The following DSCAML1 variants were observed in gnomAD, a reference collection of about 807,000 sequenced individuals.
The protein encoded by DSCAML1 is DS cell adhesion molecule like 1.
Under a neutral mutation model 200.5 loss-of-function variants are expected in DSCAML1, and 38 were observed. The ratio of observed to expected loss-of-function variants is 0.19; its 90% confidence interval spans 0.15 to 0.25. DSCAML1 has a LOEUF of 0.25. DSCAML1 is among the 10% of genes least tolerant of loss of function. The pLI is 1.00. For missense variants in DSCAML1, 2,223 were observed against 2,858.8 expected (o/e 0.78, Z 5.07); for synonymous variants, 1,215 against 1,165.0 (o/e 1.04, Z -0.87).
chr11:117,808,641 T>C (rs1187875281), intron 1 of DSCAML1, among the ~76,000 whole-genome samples: 1 of 152,194 alleles, frequency 6.6e-6, no homozygotes, highest in Non-Finnish European at 1.5e-5. Flanking sequence ...AACTAGAAGA[T>C]AAACTAGAAG....
chr11:117,524,740 C>T lies in DSCAML1; in HGVS notation c.937+65G>A, dbSNP rs1245502392. The T allele has an allele frequency of 2.4e-5, 36 of 1,521,992 alleles. No individual in the cohort carries two copies. The Middle Eastern group carries it at 1.2e-3, about 50-fold the overall frequency. The allele number at this position is 1,521,992 out of a possible 1,614,324, so 94.3% of individuals were successfully genotyped here. A position where few individuals can be genotyped will look rare whatever the true frequency, so the allele number is the denominator to read the frequency against. On this transcript the variant is annotated intron_variant, in intron 5 of 32. Coordinates refer to ENST00000651296, the MANE Select transcript of DSCAML1 (RefSeq NM_020693.4). ...ACAGGTCCAGCTGTCGGCCACACTC[C>T]TCCCCCGACCCCTGAGGCGCCCTCA...
At chr11:117,656,049 G>A (rs1442121583) in intron 3 of DSCAML1, among the ~76,000 whole-genome samples, 1 of 152,238 alleles carries the variant, frequency 6.6e-6, no homozygotes, top group East Asian at 1.9e-4. Flanking sequence ...AGACTAGCCT[G>A]GCCAACATGG....
chr11:117,555,202 C>CTATTTATCACCTTT (rs2050539770), intron 3 of DSCAML1, among the ~76,000 whole-genome samples: 1 of 152,250 alleles, frequency 6.6e-6, no homozygotes, highest in African/African-American at 2.4e-5. Context: ...CTCTCTCATA[C>CTATTTATCACCTTT]TATTTATCAC....
At chr11:117,669,260 G>A (rs527708859) in intron 3 of DSCAML1, among the ~76,000 whole-genome samples, 1 of 152,198 alleles carries the variant, frequency 6.6e-6, no homozygotes, top group East Asian at 1.9e-4. Context: ...GCTTCAATGG[G>A]CCTGGCAGCA....
rs76227422 is a variant in DSCAML1 at position 117,688,656 on chromosome 11, A to G, written c.511+88135T>C. Among the ~76,000 whole-genome samples, 3 of 152,234 alleles carry G rather than the reference A, an allele frequency of 2.0e-5. No individual in the cohort carries two copies. The East Asian group carries it at 5.8e-4, about 29-fold the overall frequency. On this transcript the variant is annotated intron_variant, in intron 3 of 32. Transcript: ENST00000651296. The stretch of plus-strand genomic sequence containing the variant: ...GTCCCCCAGCCTCTCTGTGCCTTGT[A>G]TCTGATGGGAATGATGCATGCCCAC...
At position 117,437,878 on chromosome 11, in the gene DSCAML1, A is replaced by G; in HGVS notation, c.4432+17T>C. The G allele has an allele frequency of 1.3e-6, 2 of 1,582,642 alleles. No homozygotes were observed. Among genetic ancestry groups the G allele is most frequent in the African/African-American group, 2.7e-5 (2 of 73,350 alleles). On this transcript the variant is annotated intron_variant, in intron 25 of 32. Transcript: ENST00000651296. This position sits in a 1 kb window ranked among gnomAD's most constrained non-coding sequence, Gnocchi z 5.3. ...GGGCCCATCGCTCCTTCCCTGCCCC[A>G]GTGGCCTGGGCCTCACCCCGCCCGT...
chr11:117,747,250 A>G (rs1329158370), intron 3 of DSCAML1, among the ~76,000 whole-genome samples: 1 of 152,112 alleles, frequency 6.6e-6, no homozygotes, highest in Non-Finnish European at 1.5e-5. Flanking sequence ...ATAACAAATC[A>G]AGCACCGCAG....
chr11:117,589,867 G>A (rs1387759404), intron 3 of DSCAML1, among the ~76,000 whole-genome samples: 1 of 152,182 alleles, frequency 6.6e-6, no homozygotes, highest in Non-Finnish European at 1.5e-5. Context: ...CCATGGTACA[G>A]GAGAAAAAGT....
chr11:117,535,230 G>T (rs1042119726), intron 3 of DSCAML1, among the ~76,000 whole-genome samples: 1 of 152,212 alleles, frequency 6.6e-6, no homozygotes, highest in African/African-American at 2.4e-5. Flanking sequence ...GTCAACTAAA[G>T]ACCCTGGCCC....
chr11:117,765,457 C>T (rs2054879934), intron 3 of DSCAML1, among the ~76,000 whole-genome samples: 1 of 152,150 alleles, frequency 6.6e-6, no homozygotes. Context: ...CTGAAGGTCC[C>T]ATGAGCCTGT....
At chr11:117,554,288 G>A (rs665218) in intron 3 of DSCAML1, among the ~76,000 whole-genome samples, 23,261 of 152,036 alleles carry the variant, frequency 0.15, 2,019 homozygotes, top group South Asian at 0.39. Context: ...TGGTTAAGAT[G>A]GGAAATGTTG....
chr11:117,660,292 T>A (rs1244528179), intron 3 of DSCAML1, among the ~76,000 whole-genome samples: 1 of 152,174 alleles, frequency 6.6e-6, no homozygotes, highest in Admixed American at 6.5e-5. Flanking sequence ...GGGAAGGTGC[T>A]GGTATTGTGT....
intron 19 of DSCAML1, among the ~76,000 whole-genome samples, chr11:117,451,652 A>G (rs1430454271): frequency 6.6e-6 from 1 of 151,982 alleles, no homozygotes. Flanking sequence ...CTGTCTCTAT[A>G]AAAAATACAA....
rs2925768 is a variant in DSCAML1 at position 117,428,299 on chromosome 11, T to C, written c.*29A>G. The C allele has an allele frequency of 0.61, 779,404 of 1,274,242 alleles. 245,961 individuals carry two copies. The highest frequency in any genetic ancestry group is 0.66 in the Non-Finnish European group (586,046 of 887,552). The allele number at this position is 1,274,242 out of a possible 1,614,324, so 78.9% of individuals were successfully genotyped here. A position where few individuals can be genotyped will look rare whatever the true frequency, so the allele number is the denominator to read the frequency against. Reference sequence around the variant, plus strand: ...CGTGTGGGGCTGCGGCGCGGCGCGGTCCAGGCGTGGCTGCTCTTCCTGCGG... The same window carrying C: ...CGTGTGGGGCTGCGGCGCGGCGCGGCCCAGGCGTGGCTGCTCTTCCTGCGG... On this transcript the variant is annotated 3_prime_UTR_variant, in exon 33 of 33. Transcript: ENST00000651296.
At chr11:117,583,322 G>A (rs1228888604) in intron 3 of DSCAML1, among the ~76,000 whole-genome samples, 1 of 152,096 alleles carries the variant, frequency 6.6e-6, no homozygotes, top group Non-Finnish European at 1.5e-5. Flanking sequence ...TCTTAAACAT[G>A]GCTTGTACCC....
intron 3 of DSCAML1, among the ~76,000 whole-genome samples, chr11:117,685,133 C>T (rs2053383114): frequency 6.6e-6 from 1 of 152,226 alleles, no homozygotes; most frequent in Non-Finnish European, 1.5e-5. Context: ...GGCCTCTCAA[C>T]ATTCACTGGC....
chr11:117,706,319 G>A (rs193224378), intron 3 of DSCAML1, among the ~76,000 whole-genome samples: 250 of 152,080 alleles, frequency 1.6e-3, no homozygotes, highest in African/African-American at 5.5e-3. Context: ...GTTTCCAATC[G>A]GCCTCTCCTG....
chr11:117,778,199 G>A (rs968960580), intron 2 of DSCAML1, among the ~76,000 whole-genome samples: 1 of 152,246 alleles, frequency 6.6e-6, no homozygotes, highest in Non-Finnish European at 1.5e-5. Context: ...ATGTGGTTGA[G>A]GTGGAAGAAA....
intron 14 of DSCAML1, among the ~76,000 whole-genome samples, chr11:117,473,109 G>T (rs1398470241): frequency 2.0e-5 from 3 of 152,190 alleles, no homozygotes; most frequent in Non-Finnish European, 4.4e-5. Flanking sequence ...CCATAGAAAA[G>T]ATTAAGTTGT....
Sources: gnomAD v4.1 joint callset for allele counts (sites outside exome capture counted in the v4.1 genomes callset) on GRCh38, gnomAD v4.1.1 for gene constraint, Gnocchi (gnomAD v3.1) non-coding constraint, MANE v1.5 for transcripts, NCBI Gene and HGNC (gene_info 2026-07-23, HGNC 2026-07-21) for gene names.